Variants in CAD observed in about 807,000 individuals in gnomAD.
CAD encodes the protein multifunctional protein CAD.
In CAD, 81 loss-of-function variants were observed where a neutral mutation model predicts 237.2. The observed-to-expected ratio is 0.34, with a 90% CI of 0.29 to 0.41. CAD has a LOEUF of 0.41. CAD is among the 10% of genes least tolerant of loss of function. CAD has a pLI of 1.00. For missense variants in CAD, 2,181 were observed against 2,951.7 expected (o/e 0.74, Z 6.05); for synonymous variants, 1,196 against 1,162.8 (o/e 1.03, Z -0.58).
chr2:27,226,995 C>T, intron 15 of CAD, 33 bp downstream of exon 15: 1 of 1,606,206 alleles, frequency 6.2e-7, no homozygotes, highest in Non-Finnish European at 8.5e-7. Flanking sequence ...CCCCATGGGG[C>T]CCCACCATGA....
In CAD at chr2:27,241,428, C is replaced by T. The variant is rs375062580; in HGVS notation, c.5883+32C>T. ...ATCAGGGCCGGGGGTAGGGTCCAGG[C>T]CATCGCCTGCCCTTGGGCCGCATCA... On this transcript the variant is annotated intron_variant, in intron 38 of 43. Coordinates refer to ENST00000264705, the MANE Select transcript of CAD (RefSeq NM_004341.5). The surrounding 1 kb of genome is among the most constrained non-coding windows in gnomAD (Gnocchi z 4.6). The T allele has an allele frequency of 2.5e-6, 4 of 1,606,974 alleles. No individual in the cohort carries two copies. Among genetic ancestry groups the T allele is most frequent in the Non-Finnish European group, 3.4e-6 (4 of 1,173,686 alleles).
At position 27,239,610 on chromosome 2, in the gene CAD, A is replaced by G. The variant is rs957367036; in HGVS notation, c.5395-87A>G. 1.0e-4 allele frequency: 149 copies of G among 1,483,584 alleles called. No individual in the cohort carries two copies. Among genetic ancestry groups the G allele is most frequent in the Non-Finnish European group, 1.3e-4 (142 of 1,080,684 alleles). The allele number at this position is 1,483,584 out of a possible 1,614,324, so 91.9% of individuals were successfully genotyped here. Reference sequence around the variant, plus strand: ...AGGGGTTGGGGGCACAGCTCCCCCAAGGTGCTTTTTGTCCTTGCTGACATC... The same window carrying G: ...AGGGGTTGGGGGCACAGCTCCCCCAGGGTGCTTTTTGTCCTTGCTGACATC... On this transcript the variant is annotated intron_variant, in intron 33 of 43. Transcript: ENST00000264705. The surrounding 1 kb of genome is among the most constrained non-coding windows in gnomAD (Gnocchi z 4.0).
rs780890147 is a variant in CAD at position 27,241,937 on chromosome 2, T to C, written c.5910T>C (p.Tyr1970=). 1.9e-6 allele frequency: 3 copies of C among 1,613,652 alleles called. No homozygotes were observed. Among genetic ancestry groups the C allele is most frequent in the Admixed American group, 1.7e-5 (1 of 60,026 alleles). Residue 1970 remains tyrosine (Y), a synonymous_variant, in exon 39 of 44, where the codon TAT becomes TAC. Coordinates refer to ENST00000264705, the MANE Select transcript of CAD (RefSeq NM_004341.5). This position sits in a 1 kb window ranked among gnomAD's most constrained non-coding sequence, Gnocchi z 4.6. Reference sequence around the variant, plus strand: ...GGAAGGTCATGGCCTCCATGTTCTATGAAGTGAGCACACGGACCAGCAGCT... The same window carrying C: ...GGAAGGTCATGGCCTCCATGTTCTACGAAGTGAGCACACGGACCAGCAGCT... ...LKGKVMASMF[Y]EVSTRTSSSF...
chr2:27,218,144 C>A, intron 2 of CAD, 128 bp downstream of exon 2: 1 of 781,398 alleles, frequency 1.3e-6, no homozygotes, highest in South Asian at 2.1e-5. Context: ...GTAGTAAAGT[C>A]AAGGACTAAG....
intron 29 of CAD, 25 bp from the exon 30 acceptor site, chr2:27,238,031 C>T (rs1276495428): frequency 3.1e-6 from 5 of 1,613,206 alleles, no homozygotes; most frequent in African/African-American, 2.7e-5. Flanking sequence ...CTGCACACTC[C>T]TTCATCAGTT....
At chr2:27,222,399 T>C (rs55642744) in intron 4 of CAD, 63 bp downstream of exon 4, 17,812 of 1,585,084 alleles carry the variant, frequency 0.011, 133 homozygotes, top group African/African-American at 0.028. Context: ...CTGCCCACAA[T>C]TGGGGGGTGA....
Position 27,223,701 on chromosome 2 carries a change from T to C in CAD, c.948T>C (p.Asn316=). 1 of 1,614,184 alleles carries C rather than the reference T, an allele frequency of 6.2e-7. No individual in the cohort carries two copies. The highest frequency in any genetic ancestry group is 1.1e-5 in the South Asian group (1 of 91,082). The change falls in exon 7 of 44, where the codon AAT becomes AAC. Residue 316 remains asparagine (N), a synonymous_variant. Coordinates refer to ENST00000264705, the MANE Select transcript of CAD (RefSeq NM_004341.5). ...ADWAPLFTNA[N]DGSNEGIVHN... ...GGGCTCCTCTCTTCACCAACGCCAATGATGGTTCCAATGAAGGCATTGTGC... is the reference window on the plus strand; with the variant it reads ...GGGCTCCTCTCTTCACCAACGCCAACGATGGTTCCAATGAAGGCATTGTGC...
At position 27,235,680 on chromosome 2, in the gene CAD, C is replaced by G. The variant is rs772623064; in HGVS notation, c.4074+40C>G. 1.3e-6 allele frequency: 2 copies of G among 1,547,856 alleles called. No individual in the cohort carries two copies. The highest frequency in any genetic ancestry group is 1.8e-6 in the Non-Finnish European group (2 of 1,120,606). On this transcript the variant is annotated intron_variant, in intron 25 of 43. Coordinates refer to ENST00000264705, the MANE Select transcript of CAD (RefSeq NM_004341.5). This position sits in a 1 kb window ranked among gnomAD's most constrained non-coding sequence, Gnocchi z 5.2. The stretch of plus-strand genomic sequence containing the variant: ...GCAACCTACCCCACTGCTGCCCTTC[C>G]CCAAGGGGGTGAAAATACTGCACCA...
In CAD at chr2:27,239,840, T is replaced by C. The variant is rs775250205; in HGVS notation, c.5496+42T>C. 1 of 1,372,244 alleles carries C rather than the reference T, an allele frequency of 7.3e-7. No homozygotes were observed. Among genetic ancestry groups the C allele is most frequent in the Non-Finnish European group, 9.9e-7 (1 of 1,007,012 alleles). 85.0% of individuals were successfully genotyped at this position (1,372,244 alleles called of 1,614,324 possible). On this transcript the variant is annotated intron_variant, in intron 34 of 43. Coordinates refer to ENST00000264705, the MANE Select transcript of CAD (RefSeq NM_004341.5). The surrounding 1 kb of genome is among the most constrained non-coding windows in gnomAD (Gnocchi z 4.0). ...GCTAGGGGGCTGGGAGGTGTTAGTC[T>C]CAGGGCAGGATGAACAGCTTGAACA...
Position 27,235,807 on chromosome 2 carries a change from G to T in CAD, c.4074+167G>T. ...TTGAGCCCAGGAGGTAGAGGCTGCA[G>T]TGAGCTGCGAGTGTGCAGTGAGTGC... On this transcript the variant is annotated intron_variant, in intron 25 of 43. Transcript: ENST00000264705. This position sits in a 1 kb window ranked among gnomAD's most constrained non-coding sequence, Gnocchi z 5.2. 6.7e-6 allele frequency: 4 copies of T among 597,886 alleles called. No homozygotes were observed. Among genetic ancestry groups the T allele is most frequent in the Non-Finnish European group, 1.2e-5 (4 of 338,996 alleles). 37.0% of individuals were successfully genotyped at this position (597,886 alleles called of 1,614,324 possible).
chr2:27,226,734 C>T, intron 14 of CAD, 85 bp downstream of exon 14: 2 of 1,601,832 alleles, frequency 1.2e-6, no homozygotes, highest in Non-Finnish European at 1.7e-6. Context: ...ATGAAAAGGA[C>T]ATTGGCCTGG....
At chr2:27,238,919 A>G in intron 31 of CAD, 123 bp from the exon 32 acceptor site, 1 of 981,394 alleles carries the variant, frequency 1.0e-6, no homozygotes, top group Non-Finnish European at 1.5e-6. Context: ...GTTCCCAGAA[A>G]AAATGAGCAT....
Position 27,231,757 on chromosome 2 carries a change from A to C in CAD, c.2400+177A>C, listed in dbSNP as rs568323852. On this transcript the variant is annotated intron_variant, in intron 16 of 43. Coordinates refer to ENST00000264705, the MANE Select transcript of CAD (RefSeq NM_004341.5). ...TTAGCACGCAAGGGTGTATTACTAG[A>C]CTTGTTTTTACAGATGAGGAAACTG... Among the ~76,000 whole-genome samples, 5 of 152,316 alleles carry C rather than the reference A, an allele frequency of 3.3e-5. No homozygotes were observed. In the East Asian group the frequency reaches 9.6e-4, roughly 29 times the overall value.
At chr2:27,218,684 C>T (rs1044487834) in intron 2 of CAD, among the ~76,000 whole-genome samples, 9 of 151,864 alleles carry the variant, frequency 5.9e-5, no homozygotes, top group Non-Finnish European at 1.5e-5. Context: ...TGAGTTTCTT[C>T]CTACAGTGAG....
rs1676037364 is a variant in CAD at position 27,236,875 on chromosome 2, T to A, written c.4396+45T>A. ...TTGGCTTCTGAACACTGGCAGCCCC[T>A]GGCATAGAGACCTGCAGTGTGGTGA... On this transcript the variant is annotated intron_variant, in intron 27 of 43. Coordinates refer to ENST00000264705, the MANE Select transcript of CAD (RefSeq NM_004341.5). This position sits in a 1 kb window ranked among gnomAD's most constrained non-coding sequence, Gnocchi z 4.1. 1 of 1,515,864 alleles carries A rather than the reference T, an allele frequency of 6.6e-7. No individual in the cohort carries two copies. Among genetic ancestry groups the A allele is most frequent in the African/African-American group, 1.4e-5 (1 of 72,956 alleles). The allele number at this position is 1,515,864 out of a possible 1,614,324, so 93.9% of individuals were successfully genotyped here.
Position 27,231,968 on chromosome 2 carries a change from C to A in CAD, c.2401-12C>A, listed in dbSNP as rs200243379. 16 of 1,614,020 alleles carry A rather than the reference C, an allele frequency of 9.9e-6. No homozygotes were observed. The Admixed American group carries it at 1.3e-4, about 13-fold the overall frequency. The stretch of plus-strand genomic sequence containing the variant: ...GGCAGTAGCTTCCGTCTGTCTACCC[C>A]CTTTCTATCAGGAGTTGGAGACTCC... On this transcript the variant is annotated splice_polypyrimidine_tract_variant and intron_variant, in intron 16 of 43. Coordinates refer to ENST00000264705, the MANE Select transcript of CAD (RefSeq NM_004341.5).
rs756739907 is a variant in CAD, at chr2:27,233,452, G to A, written c.3132G>A (p.Ser1044=). The A allele has an allele frequency of 2.0e-5, 32 of 1,614,210 alleles. No homozygotes were observed. The highest frequency in any genetic ancestry group is 2.3e-5 in the Non-Finnish European group (27 of 1,180,036). The change falls in exon 20 of 44, where the codon TCG becomes TCA. Residue 1044 remains serine (S), a synonymous_variant. Coordinates refer to ENST00000264705, the MANE Select transcript of CAD (RefSeq NM_004341.5). The surrounding 1 kb of genome is among the most constrained non-coding windows in gnomAD (Gnocchi z 6.3). ...GCACCTCCCCTGAAGCCATTGACTC[G>A]GCTGAGAACCGTTTCAAGTTTTCCC... ...VLGTSPEAID[S]AENRFKFSRL...
intron 4 of CAD, 65 bp downstream of exon 4, chr2:27,222,401 G>T (rs919111342): frequency 1.9e-6 from 3 of 1,582,054 alleles, no homozygotes; most frequent in East Asian, 2.3e-5. Flanking sequence ...GCCCACAATT[G>T]GGGGGTGAAC....
Position 27,238,081 on chromosome 2 carries a change from TC to T in CAD, c.4758del (p.Ile1587LeufsTer37). The T allele has an allele frequency of 1.2e-6, 2 of 1,614,138 alleles. No individual in the cohort carries two copies. Among genetic ancestry groups the T allele is most frequent in the Non-Finnish European group, 1.7e-6 (2 of 1,180,008 alleles). ...MEHFETWPSHLPIVAHAEQQT... is the reference protein window; with the variant it reads ...MEHFETWPSHXPIVAHAEQQT... Reference sequence around the variant, plus strand: ...CATTTCGAGACATGGCCCTCCCACCTCCCCATTGTGGCTCACGCAGAGCAGC... The same window carrying T: ...CATTTCGAGACATGGCCCTCCCACCTCCCATTGTGGCTCACGCAGAGCAGC... On this transcript the variant is annotated frameshift_variant, in exon 30 of 44. Coordinates refer to ENST00000264705, the MANE Select transcript of CAD (RefSeq NM_004341.5). LOFTEE classifies it high-confidence loss of function.
Sources: allele counts gnomAD v4.1 joint callset (sites outside exome capture counted in the v4.1 genomes callset), GRCh38; gene constraint gnomAD v4.1.1; non-coding constraint Gnocchi (gnomAD v3.1); transcripts MANE v1.5; gene names NCBI Gene and HGNC (gene_info 2026-07-23, HGNC 2026-07-21).